Variants in ABCA2 observed in about 807,000 individuals in gnomAD.
The protein encoded by ABCA2 is ATP binding cassette subfamily A member 2.
ABCA2 carries 84 observed loss-of-function variants against 262.8 expected under a neutral mutation model. The ratio of observed to expected loss-of-function variants is 0.32; its 90% confidence interval spans 0.27 to 0.38. ABCA2 has a LOEUF of 0.38. Ranked by LOEUF, ABCA2 falls within the 10% of genes least tolerant of loss-of-function variation. The pLI, the probability that ABCA2 is intolerant of heterozygous loss-of-function variation, is 1.00. For synonymous variants in ABCA2, 1,696 were observed against 1,502.9 expected (o/e 1.13, Z -2.97); for missense variants, 2,662 against 3,405.9 (o/e 0.78, Z 5.44).
intron 1 of ABCA2, chr9:137,027,811 G>A (rs1351917198): frequency 6.6e-6 from 1 of 152,418 alleles, no homozygotes; most frequent in Non-Finnish European, 1.5e-5. Context: ...CGCTGCAGAG[G>A]GCGCGGGTGC....
chr9:137,013,519 A>G lies in ABCA2; in HGVS notation c.4492T>C (p.Tyr1498His), dbSNP rs1358529759. 1.9e-6 allele frequency: 3 copies of G among 1,610,312 alleles called. No homozygotes were observed. In the South Asian group the frequency reaches 3.3e-5, roughly 18 times the overall value. The change falls in exon 29 of 49, where the codon TAC becomes CAC. Residue 1498 changes from tyrosine (Y) to histidine (H), a missense_variant. Transcript: ENST00000341511. Reference protein sequence around the residue: ...LVLSPSQYHNYTQPRGNFIPY... With the variant: ...LVLSPSQYHNHTQPRGNFIPY... ...ATGAAATTGCCACGGGGCTGGGTGT[A>G]GTTGTGGTACTGGGAAGGTGACAGG...
Position 137,010,351 on chromosome 9 carries a change from A to C in ABCA2, c.6195T>G (p.Ile2065Met), listed in dbSNP as rs1050900769. ...NLTKVYKSRK[I>M]GRILAVDRLC... ...GGCGGTCAACGGCCAGGATACGGCC[A>C]ATCTTCCGGGACTTGTAGACCTGGC... The change falls in exon 41 of 49, where the codon ATT (isoleucine) becomes ATG (methionine). Residue 2065 changes from isoleucine (I) to methionine (M), a missense_variant. By Grantham distance (10) the Ile-to-Met change is conservative. This residue lies in a region of ABCA2 where 602 missense variants were observed against 897.4 expected (regional missense o/e 0.67). Coordinates refer to ENST00000341511, the MANE Select transcript of ABCA2 (RefSeq NM_001606.5). The C allele has an allele frequency of 7.0e-6, 11 of 1,576,970 alleles. No individual in the cohort carries two copies. Among genetic ancestry groups the C allele is most frequent in the African/African-American group, 2.7e-5 (2 of 74,162 alleles).
intron 46 of ABCA2, 32 bp from the exon 47 acceptor site, chr9:137,008,900 G>GCCCCCCCCCCCCCTTACCCCCC (rs59031144): frequency 6.5e-7 from 1 of 1,535,814 alleles, no homozygotes; most frequent in Non-Finnish European, 8.8e-7. Context: ...GCCTGGCAGC[G>GCCCCCCCCCCCCCTTACCCCCC]CCCCCCCACC....
At chr9:137,014,466 C>A (rs933881632) in intron 26 of ABCA2, 62 bp from the exon 27 acceptor site, 2 of 1,506,964 alleles carry the variant, frequency 1.3e-6, no homozygotes, top group South Asian at 1.2e-5. Context: ...CTGCCCAGGA[C>A]CCCCATCCCC....
At chr9:137,013,704 G>A (rs1309288678) in intron 28 of ABCA2, 128 bp downstream of exon 28, 16 of 1,341,774 alleles carry the variant, frequency 1.2e-5, no homozygotes, top group East Asian at 7.5e-5. Context: ...GATGAACCCC[G>A]GTGCGTGCCC....
In ABCA2 at chr9:137,023,414, C is replaced by T. The variant is rs1251808527; in HGVS notation, c.164-362G>A. On this transcript the variant is annotated intron_variant, in intron 3 of 48. Transcript: ENST00000341511. ...AGAGCCCAGGGGAGGACAAAGGACC[C>T]CCTCTGGGCAGTGACCTCTGACCTC... is the stretch of plus-strand genomic sequence containing the variant. 5 of 710,098 alleles carry T rather than the reference C, an allele frequency of 7.0e-6. No individual in the cohort carries two copies. The Admixed American group carries it at 8.8e-5, about 12-fold the overall frequency. 44.0% of individuals were successfully genotyped at this position (710,098 alleles called of 1,614,324 possible). A position where few individuals can be genotyped will look rare whatever the true frequency, so the allele number is the denominator to read the frequency against.
rs547824151 is a variant in ABCA2, at chr9:137,012,498, C to T, written c.5174G>A (p.Arg1725His). ...AGCCTCGCTCACCTGGGCAGCCCTGCGCACCGCGATCTTCCGCACCATGGG... is the reference window on the plus strand; with the variant it reads ...AGCCTCGCTCACCTGGGCAGCCCTGTGCACCGCGATCTTCCGCACCATGGG... The part of the protein sequence containing the change: ...APPMVRKIAV[R>H]RAAQVFYNNK... Residue 1725 changes from arginine (R) to histidine (H), a missense_variant, in exon 32 of 49, where the codon CGC becomes CAC. Arg to His is a conservative substitution (Grantham distance 29, BLOSUM62 0). This residue lies in a region of ABCA2 where 602 missense variants were observed against 897.4 expected (regional missense o/e 0.67). Transcript: ENST00000341511. 15 of 1,611,574 alleles carry T rather than the reference C, an allele frequency of 9.3e-6. No individual in the cohort carries two copies. Among genetic ancestry groups the T allele is most frequent in the African/African-American group, 4.0e-5 (3 of 75,048 alleles).
rs1418689835 is a variant in ABCA2 at position 137,011,481 on chromosome 9, T to C, written c.5725A>G (p.Ile1909Val). The C allele has an allele frequency of 1.1e-5, 17 of 1,609,350 alleles. No homozygotes were observed. Among genetic ancestry groups the C allele is most frequent in the Non-Finnish European group, 1.4e-5 (17 of 1,178,338 alleles). Residue 1909 changes from isoleucine to valine, a missense_variant, in exon 37 of 49, where the codon ATT (isoleucine) becomes GTT (valine). Ile to Val is a conservative substitution (Grantham distance 29, BLOSUM62 3). Around this residue, in one of 12 missense-constraint regions of ABCA2, gnomAD observed 602 missense variants for 897.4 expected, o/e 0.67. Transcript: ENST00000341511. This position sits in a 1 kb window ranked among gnomAD's most constrained non-coding sequence, Gnocchi z 8.8. Reference sequence around the variant, plus strand: ...ATGCCGATGAAGAGATTGATGACAATGAGGAACACGTAGGCGGAGCTGGGG... The same window carrying C: ...ATGCCGATGAAGAGATTGATGACAACGAGGAACACGTAGGCGGAGCTGGGG... ...EVPSSAYVFL[I>V]VINLFIGITA...
chr9:137,023,513 CCCAGCCCAGG>C (rs779736116), intron 3 of ABCA2: 1 of 747,720 alleles, frequency 1.3e-6, no homozygotes, highest in Admixed American at 1.7e-5. Context: ...CCGCTCCAGC[CCCAGCCCAGG>C]CCAGCCCAGC....
At chr9:137,008,282 C>A in intron 48 of ABCA2, 134 bp downstream of exon 48, 2 of 1,063,676 alleles carry the variant, frequency 1.9e-6, no homozygotes, top group Non-Finnish European at 2.8e-6. Context: ...CCCTCGCCCA[C>A]TCTGCCCCCT....
chr9:137,011,322 C>A lies in ABCA2; in HGVS notation c.5800-13G>T. The A allele has an allele frequency of 6.3e-7, 1 of 1,596,164 alleles. No homozygotes were observed. Among genetic ancestry groups the A allele is most frequent in the Admixed American group, 1.7e-5 (1 of 59,626 alleles). ...CAACCTTCAGGTCCTGCGGGGTGGC[C>A]GGGGTCAGGGGCACAGGGGTGGCCG... On this transcript the variant is annotated splice_polypyrimidine_tract_variant and intron_variant, in intron 37 of 48. Transcript: ENST00000341511. The surrounding 1 kb of genome is among the most constrained non-coding windows in gnomAD (Gnocchi z 8.8).
rs368263169 is a variant in ABCA2, at chr9:137,011,554, C to T, written c.5652G>A (p.Gly1884=). The change falls in exon 37 of 49, where the codon GGG becomes GGA. Residue 1884 remains glycine, a splice_region_variant and synonymous_variant. Transcript: ENST00000341511. This position sits in a 1 kb window ranked among gnomAD's most constrained non-coding sequence, Gnocchi z 8.8. Reference sequence around the variant, plus strand: ...GGTACATGATGGGCGTGATGGACCACCTGCGGGCAGGTGGCGGGCAGTGGT... The same window carrying T: ...GGTACATGATGGGCGTGATGGACCATCTGCGGGCAGGTGGCGGGCAGTGGT... The part of the protein sequence containing the change: ...PAVLSLFLLY[G]WSITPIMYPA... 2.1e-5 allele frequency: 33 copies of T among 1,578,196 alleles called. No homozygotes were observed. The African/African-American group carries it at 3.0e-4, about 14-fold the overall frequency.
rs771961032 is a variant in ABCA2, at chr9:137,015,428, G to A, written c.3683C>T (p.Pro1228Leu). The A allele has an allele frequency of 2.3e-4, 356 of 1,562,522 alleles. No homozygotes were observed. The highest frequency in any genetic ancestry group is 2.7e-4 in the Non-Finnish European group (309 of 1,156,074). Residue 1228 changes from proline (P) to leucine (L), a missense_variant, in exon 24 of 49, where the codon CCG becomes CTG. This residue lies in a region of ABCA2 where 297 missense variants were observed against 286.5 expected (regional missense o/e 1.04). Transcript: ENST00000341511. ...TCAACACAGACCTTGGGGGCCCCCC[G>A]GCTCGGCGGGCCGCTTGACCAGCGT... ...RLTLVKRPAE[P>L]GGPQEPGLAS...
intron 10 of ABCA2, 107 bp downstream of exon 10, chr9:137,020,229 C>T: frequency 6.7e-7 from 1 of 1,484,214 alleles, no homozygotes. Context: ...GCACCCCGTA[C>T]CCCTCCCGTG....
Position 137,020,755 on chromosome 9 carries a change from G to A in ABCA2, c.1204C>T (p.Gln402Ter). The A allele has an allele frequency of 1.2e-6, 2 of 1,600,968 alleles. No homozygotes were observed. The highest frequency in any genetic ancestry group is 1.7e-6 in the Non-Finnish European group (2 of 1,177,652). Residue 402 changes from glutamine (Q) to a stop codon, truncating the protein, a stop_gained, in exon 9 of 49, where the codon CAG becomes TAG. Transcript: ENST00000341511. LOFTEE classifies it high-confidence loss of function. ...ALATPDTLQG[Q>*]CSAFVQLWAG... The stretch of plus-strand genomic sequence containing the variant: ...CAGAGCTGTACGAAGGCTGAGCACT[G>A]GCCCTGCAGCGTGTCCGGGGTGGCC...
chr9:137,008,172 GGCTCTGGTCCCCTCTGCCCCACCCTT>G (rs1564209021), intron 48 of ABCA2: 9 of 808,608 alleles, frequency 1.1e-5, no homozygotes, highest in African/African-American at 1.7e-5. Context: ...CCTGTTCCCC[GGCTCTGGTCCCCTCTGCCCCACCCTT>G]GCTCTGTGCC....
chr9:137,023,342 C>A, intron 3 of ABCA2: 1 of 682,980 alleles, frequency 1.5e-6, no homozygotes, highest in South Asian at 1.5e-5. Context: ...GGCCCACATG[C>A]CCTGGCACTC....
rs765410202 is a variant in ABCA2, at chr9:137,014,222, C to T, written c.4186G>A (p.Asp1396Asn). ...EGAGYTDVYGDYRPLFDNPQD... is the reference protein window; with the variant it reads ...EGAGYTDVYGNYRPLFDNPQD... ...GGGTTATCAAAGAGGGGGCGGTAGTCGCCATAGACGTCGGTGTAGCCAGCT... is the reference window on the plus strand; with the variant it reads ...GGGTTATCAAAGAGGGGGCGGTAGTTGCCATAGACGTCGGTGTAGCCAGCT... The change falls in exon 27 of 49, where the codon GAC becomes AAC. Residue 1396 changes from aspartate to asparagine, a missense_variant. Transcript: ENST00000341511. 4.5e-5 allele frequency: 72 copies of T among 1,609,558 alleles called. 1 individual carries two copies. The highest frequency in any genetic ancestry group is 1.7e-4 in the South Asian group (15 of 90,510).
At position 137,011,741 on chromosome 9, in the gene ABCA2, G is replaced by A; in HGVS notation, c.5544C>T (p.Tyr1848=). Residue 1848 remains tyrosine (Y), a synonymous_variant, in exon 36 of 49, where the codon TAC becomes TAT. Coordinates refer to ENST00000341511, the MANE Select transcript of ABCA2 (RefSeq NM_001606.5). The surrounding 1 kb of genome is among the most constrained non-coding windows in gnomAD (Gnocchi z 8.8). ...TGACACAGCAGGTAGCGGGGACCAGGTAGTTGAGCTGCAGGGGTGGGGGCG... is the reference window on the plus strand; with the variant it reads ...TGACACAGCAGGTAGCGGGGACCAGATAGTTGAGCTGCAGGGGTGGGGGCG... ...LANYVWDMLN[Y]LVPATCCVII... The A allele has an allele frequency of 6.4e-7, 1 of 1,551,020 alleles. No individual in the cohort carries two copies. Among genetic ancestry groups the A allele is most frequent in the Non-Finnish European group, 8.7e-7 (1 of 1,147,578 alleles).
Sources: allele counts gnomAD v4.1 joint callset, GRCh38; gene constraint gnomAD v4.1.1; regional missense constraint gnomAD v4.1.1; non-coding constraint Gnocchi (gnomAD v3.1); transcripts MANE v1.5; gene names NCBI Gene and HGNC (gene_info 2026-07-23, HGNC 2026-07-21).